CD2AP: variants seen among roughly 807,000 people sequenced by gnomAD.
The protein encoded by CD2AP is CD2 associated protein.
Under a neutral mutation model 85.1 loss-of-function variants are expected in CD2AP, and 46 were observed. The observed-to-expected ratio is 0.54, with a 90% confidence interval of 0.43 to 0.69. CD2AP has a LOEUF of 0.69. Among genes scored for constraint, CD2AP ranks in the 30% least tolerant of loss-of-function variants. The probability of loss-of-function intolerance (pLI) is 0.00; values close to 1 mark genes in which losing one functional copy is unlikely to be tolerated. For synonymous variants in CD2AP, 255 were observed against 252.9 expected, an observed-to-expected ratio of 1.01 and a Z score of -0.08; for missense variants, 769 against 729.5, an observed-to-expected ratio of 1.05 and a Z score of -0.62.
At chr6:47,623,735 G>T (rs1011663546) in intron 17 of CD2AP, among the ~76,000 whole-genome samples, 4 of 152,076 alleles carry the variant, frequency 2.6e-5, no homozygotes, top group African/African-American at 9.7e-5. Flanking sequence ...ACCAAGTCAA[G>T]TGATTTAACA....
chr6:47,607,762 T>C (rs1769314013), intron 14 of CD2AP, 165 bp from the exon 15 acceptor site: 1 of 555,102 alleles, frequency 1.8e-6, no homozygotes, highest in Admixed American at 3.1e-5. Flanking sequence ...TATGCAAATG[T>C]GTTATTCAGC....
chr6:47,544,262 A>G (rs1423901197), intron 3 of CD2AP, among the ~76,000 whole-genome samples: 1 of 152,242 alleles, frequency 6.6e-6, no homozygotes, highest in African/African-American at 2.4e-5. Context: ...GAAAATCACT[A>G]GCCTAGAGGA....
At chr6:47,606,057 T>C in intron 13 of CD2AP, 108 bp from the exon 14 acceptor site, 1 of 665,480 alleles carries the variant, frequency 1.5e-6, no homozygotes, top group South Asian at 1.7e-5. Flanking sequence ...TTCTTCAAAG[T>C]AGTGGTACTC....
At chr6:47,529,058 A>G (rs185620261) in intron 2 of CD2AP, among the ~76,000 whole-genome samples, 1 of 151,778 alleles carries the variant, frequency 6.6e-6, no homozygotes, top group East Asian at 1.9e-4. Flanking sequence ...CTTAGGTTGT[A>G]TCTACTGAAT....
intron 17 of CD2AP, among the ~76,000 whole-genome samples, chr6:47,622,003 T>C (rs757959054): frequency 6.6e-6 from 1 of 152,320 alleles, no homozygotes; most frequent in Non-Finnish European, 1.5e-5. Context: ...ACGCTCTTCT[T>C]GGGCGGGTCT....
intron 11 of CD2AP, among the ~76,000 whole-genome samples, chr6:47,595,330 A>G (rs564259195): frequency 1.3e-5 from 2 of 152,178 alleles, no homozygotes; most frequent in African/African-American, 4.8e-5. Context: ...AATTACAAAT[A>G]TAAGCCTATA....
intron 1 of CD2AP, among the ~76,000 whole-genome samples, chr6:47,498,471 G>A (rs1050564454): frequency 6.6e-6 from 1 of 152,046 alleles, no homozygotes; most frequent in Non-Finnish European, 1.5e-5. Flanking sequence ...TTTGAAGATT[G>A]TTTTAGGATT....
In CD2AP at chr6:47,580,913, C is replaced by T; in HGVS notation, c.1045+13C>T. 10 of 1,578,742 alleles carry T rather than the reference C, an allele frequency of 6.3e-6. No homozygotes were observed. The highest frequency in any genetic ancestry group is 8.7e-6 in the Non-Finnish European group (10 of 1,148,382). ...GCTAAGGCTCCAGGTATGTAAGAAG[C>T]ATATTATTCAGTTTGCTATTTTCCA... On this transcript the variant is annotated intron_variant, in intron 10 of 17. Transcript: ENST00000359314.
chr6:47,609,467 A>T, intron 16 of CD2AP, 163 bp downstream of exon 16: 2 of 518,410 alleles, frequency 3.9e-6, no homozygotes, highest in East Asian at 3.3e-5. Context: ...GCTTGAGTCC[A>T]GGAGTTCGAG....
intron 5 of CD2AP, 51 bp downstream of exon 5, chr6:47,554,817 A>G (rs1196282556): frequency 6.8e-7 from 1 of 1,465,768 alleles, no homozygotes; most frequent in South Asian, 1.3e-5. Flanking sequence ...TTTATATAGC[A>G]TCTAGTGTTT....
intron 17 of CD2AP, 120 bp from the exon 18 acceptor site, chr6:47,624,066 T>C: frequency 1.2e-6 from 1 of 809,062 alleles, no homozygotes. Context: ...AACTGGATTT[T>C]AGGTCTGGAA....
intron 2 of CD2AP, among the ~76,000 whole-genome samples, chr6:47,525,566 A>C (rs973653405): frequency 2.6e-5 from 4 of 152,188 alleles, no homozygotes; most frequent in Admixed American, 6.5e-5. Flanking sequence ...TTAGATAGCC[A>C]GATTATTATA....
chr6:47,587,460 C>T (rs1768663220), intron 11 of CD2AP, among the ~76,000 whole-genome samples: 1 of 152,118 alleles, frequency 6.6e-6, no homozygotes, highest in Non-Finnish European at 1.5e-5. Context: ...CCCAAGCCAC[C>T]ACGTGGATTT....
At chr6:47,621,041 C>G (rs1289747471) in intron 17 of CD2AP, among the ~76,000 whole-genome samples, 3 of 152,150 alleles carry the variant, frequency 2.0e-5, no homozygotes, top group African/African-American at 7.2e-5. Flanking sequence ...TTATTTATTT[C>G]TCTGCTCTAA....
intron 4 of CD2AP, among the ~76,000 whole-genome samples, chr6:47,545,497 A>G (rs540119389): frequency 6.6e-6 from 1 of 152,254 alleles, no homozygotes; most frequent in Admixed American, 6.5e-5. Context: ...CCCATACTAC[A>G]TAGCTGATGC....
intron 2 of CD2AP, among the ~76,000 whole-genome samples, chr6:47,525,596 A>AGG (rs1766700087): frequency 6.6e-6 from 1 of 152,192 alleles, no homozygotes; most frequent in South Asian, 2.1e-4. Flanking sequence ...TACAACATGA[A>AGG]GGAGTGGTTT....
chr6:47,569,251 G>C (rs1446017244), intron 5 of CD2AP, among the ~76,000 whole-genome samples: 1 of 152,188 alleles, frequency 6.6e-6, no homozygotes, highest in Non-Finnish European at 1.5e-5. Context: ...TGGAAACTCA[G>C]AAGAATGGTG....
Position 47,596,017 on chromosome 6 carries a change from C to T in CD2AP, c.1265C>T (p.Pro422Leu), listed in dbSNP as rs2114131403. Residue 422 changes from proline to leucine, a missense_variant, in exon 12 of 18, where the codon CCT becomes CTT. Physicochemically the swap from Pro to Leu is moderately conservative, Grantham distance 98. Transcript: ENST00000359314. ...GAAAAACCAGTTCCTCCACCACCTC[C>T]TATAGCCAAGTAAGTTTTACCTAAT... is the stretch of plus-strand genomic sequence containing the variant. ...RPEKPVPPPP[P>L]IAKINGEVSS... 1 of 1,611,558 alleles carries T rather than the reference C, an allele frequency of 6.2e-7. No individual in the cohort carries two copies. The highest frequency in any genetic ancestry group is 8.5e-7 in the Non-Finnish European group (1 of 1,177,964).
At chr6:47,554,857 T>C (rs1054339843) in intron 5 of CD2AP, 91 bp downstream of exon 5, 4 of 1,314,652 alleles carry the variant, frequency 3.0e-6, no homozygotes, top group Non-Finnish European at 4.2e-6. Flanking sequence ...CTCTGTTCTT[T>C]CTTTTGAACT....
Sources: allele counts gnomAD v4.1 joint callset (sites outside exome capture counted in the v4.1 genomes callset), GRCh38; gene constraint gnomAD v4.1.1; transcripts MANE v1.5; gene names NCBI Gene and HGNC (gene_info 2026-07-23, HGNC 2026-07-21).